The following BRWD3 variants were observed in gnomAD, a reference collection of about 807,000 sequenced individuals.
BRWD3 encodes bromodomain and WD repeat domain containing 3, also known as bromodomain and WD repeat-containing protein 3.
BRWD3 carries 10 observed loss-of-function variants against 149.7 expected under a neutral mutation model. That is an observed-to-expected ratio of 0.07 (90% CI 0.04 to 0.11). The LOEUF is 0.11. BRWD3 is among the 10% of genes least tolerant of loss of function. BRWD3 has a pLI of 1.00. For missense variants in BRWD3, 940 were observed against 1,373.2 expected (o/e 0.68, Z 4.99); for synonymous variants, 504 against 456.7 (o/e 1.10, Z -1.32).
At position 80,682,009 on chromosome X, in the gene BRWD3, A is replaced by C. The variant is rs746189305; in HGVS notation, c.4483T>G (p.Phe1495Val). The C allele has an allele frequency of 4.2e-6, 5 of 1,204,455 alleles. No individual in the cohort carries two copies. In the East Asian group the frequency reaches 1.5e-4, roughly 36 times the overall value. The change falls in exon 39 of 41, where the codon TTC (phenylalanine) becomes GTC (valine). Residue 1495 changes from phenylalanine (F) to valine (V), a missense_variant. Transcript: ENST00000373275. ...SVSHARTSSP[F>V]SSPVSDAAEG... ...AAGACATATTTACCAGGAGATGAGA[A>C]AGGAGAGCTAGTCCTGGCATGAGAT...
intron 27 of BRWD3, among the ~76,000 whole-genome samples, chrX:80,694,394 G>A (rs915151023): frequency 2.1e-4 from 24 of 111,850 alleles, no homozygotes; most frequent in African/African-American, 7.5e-4. Flanking sequence ...CCCATACAGA[G>A]CCCCCACTGG....
chrX:80,695,545 G>T (rs1266320843), intron 27 of BRWD3, among the ~76,000 whole-genome samples: 1 of 111,339 alleles, frequency 9.0e-6, no homozygotes, highest in South Asian at 3.7e-4. Flanking sequence ...AGGGTGGGAA[G>T]GTGACAGGGA....
intron 6 of BRWD3, among the ~76,000 whole-genome samples, chrX:80,767,375 T>G (rs1446493644): frequency 9.0e-6 from 1 of 111,482 alleles, no homozygotes; most frequent in Non-Finnish European, 1.9e-5. Context: ...AGCAATATTT[T>G]GCTGTTCTGC....
At chrX:80,716,020 G>A in intron 20 of BRWD3, 137 bp downstream of exon 20, 1 of 455,408 alleles carries the variant, frequency 2.2e-6, no homozygotes, top group Non-Finnish European at 3.8e-6. Flanking sequence ...CTCAATTTGT[G>A]GCTCAAAAAG....
chrX:80,682,128 T>TG lies in BRWD3; in HGVS notation c.4398-35_4398-34insC, dbSNP rs1455447913. The TG allele has an allele frequency of 5.4e-6, 6 of 1,104,500 alleles. No individual in the cohort carries two copies. The East Asian group carries it at 1.8e-4, about 33-fold the overall frequency. 91.0% of individuals were successfully genotyped at this position (1,104,500 alleles called of 1,213,427 possible). On this transcript the variant is annotated intron_variant, in intron 38 of 40. Coordinates refer to ENST00000373275, the MANE Select transcript of BRWD3 (RefSeq NM_153252.5). ...AAAAATATGTAACAACGAGCATTTT[T>TG]TTTTTTCTGTTAGCAACATATTATG...
At chrX:80,741,782 T>A (rs1414217320) in intron 8 of BRWD3, among the ~76,000 whole-genome samples, 1 of 112,027 alleles carries the variant, frequency 8.9e-6, no homozygotes, top group Admixed American at 9.5e-5. Context: ...GTAAATTTGT[T>A]TGAGTTCATT....
intron 31 of BRWD3, among the ~76,000 whole-genome samples, chrX:80,690,324 T>C (rs2072593958): frequency 9.1e-6 from 1 of 110,045 alleles, no homozygotes; most frequent in South Asian, 3.8e-4. Context: ...AAACTTCAAA[T>C]AGAACTGACC....
chrX:80,710,277 A>G, intron 20 of BRWD3: 1 of 359,195 alleles, frequency 2.8e-6, no homozygotes, highest in Non-Finnish European at 5.2e-6. Context: ...ATATCAACAC[A>G]ACAATATGGC....
chrX:80,742,439 TA>T (rs1422517093), intron 8 of BRWD3, among the ~76,000 whole-genome samples: 6 of 102,423 alleles, frequency 5.9e-5, no homozygotes, highest in African/African-American at 2.3e-4. Flanking sequence ...TGAAGAAAGT[TA>T]TTGGTAGCTT....
In BRWD3 at chrX:80,717,519, C is replaced by T. The variant is rs1163779372; in HGVS notation, c.2231+54G>A. ...GGCTAACATAGTACATTTCAATTCA[C>T]TTCCTAAGAATAAAGCTTTAAATTT... On this transcript the variant is annotated intron_variant, in intron 19 of 40. Coordinates refer to ENST00000373275, the MANE Select transcript of BRWD3 (RefSeq NM_153252.5). 5 of 1,104,742 alleles carry T rather than the reference C, an allele frequency of 4.5e-6. No individual in the cohort carries two copies. In the African/African-American group the frequency reaches 5.4e-5, roughly 12 times the overall value. The allele number at this position is 1,104,742 out of a possible 1,213,427, so 91.0% of individuals were successfully genotyped here. A position where few individuals can be genotyped will look rare whatever the true frequency, so the allele number is the denominator to read the frequency against.
chrX:80,771,228 T>G (rs764848154), intron 6 of BRWD3, among the ~76,000 whole-genome samples: 1 of 111,605 alleles, frequency 9.0e-6, no homozygotes, highest in African/African-American at 3.3e-5. Flanking sequence ...AATAACTTTC[T>G]TCACAGAATT....
chrX:80,805,112 A>G (rs1471707917), intron 4 of BRWD3, among the ~76,000 whole-genome samples: 2 of 111,774 alleles, frequency 1.8e-5, no homozygotes, highest in Non-Finnish European at 3.8e-5. Context: ...TGTGTTCAAA[A>G]TTACAAGTAA....
At chrX:80,712,590 G>T (rs6622360) in intron 20 of BRWD3, among the ~76,000 whole-genome samples, 7,391 of 109,723 alleles carry the variant, frequency 0.067, 615 homozygotes, top group African/African-American at 0.21. Context: ...GAAGTGAGGA[G>T]CGTCTCTGCC....
chrX:80,676,523 A>T lies in BRWD3; in HGVS notation c.*86T>A. 1 of 1,111,338 alleles carries T rather than the reference A, an allele frequency of 9.0e-7. No homozygotes were observed. Among genetic ancestry groups the T allele is most frequent in the East Asian group, 3.1e-5 (1 of 31,942 alleles). 91.6% of individuals were successfully genotyped at this position (1,111,338 alleles called of 1,213,427 possible). On this transcript the variant is annotated 3_prime_UTR_variant, in exon 41 of 41. Transcript: ENST00000373275. ...AATGTGAAAGGAAGCAGAAGTCCCC[A>T]CACAACTTGCTTTGTAGATTTCCTG...
rs750891756 is a variant in BRWD3 at position 80,734,957 on chromosome X, C to T, written c.985+170G>A. On this transcript the variant is annotated intron_variant, in intron 10 of 40. Coordinates refer to ENST00000373275, the MANE Select transcript of BRWD3 (RefSeq NM_153252.5). ...TATGAATAAGGAAAAAAAAATCAAC[C>T]TTACACATTACTTAGAGTCCAAAAG... Among the ~76,000 whole-genome samples, 9 of 111,313 alleles carry T rather than the reference C, an allele frequency of 8.1e-5. No homozygotes were observed. The South Asian group carries it at 3.4e-3, about 42-fold the overall frequency.
At chrX:80,694,257 C>T (rs1423738955) in intron 27 of BRWD3, among the ~76,000 whole-genome samples, 1 of 111,818 alleles carries the variant, frequency 8.9e-6, no homozygotes, top group Non-Finnish European at 1.9e-5. Flanking sequence ...GTTTGGGAAC[C>T]TCTACCTAGA....
At chrX:80,803,624 A>C (rs1447292303) in intron 4 of BRWD3, among the ~76,000 whole-genome samples, 3 of 112,052 alleles carry the variant, frequency 2.7e-5, no homozygotes, top group Non-Finnish European at 5.6e-5. Context: ...CTCTGTCATA[A>C]TACCTATCAG....
At chrX:80,689,914 A>C in intron 32 of BRWD3, 53 bp downstream of exon 32, 3 of 1,175,442 alleles carry the variant, frequency 2.6e-6, no homozygotes. Flanking sequence ...TTTTAAAATT[A>C]ATTTTTTAAA....
At chrX:80,787,268 C>A (rs761941331) in intron 6 of BRWD3, among the ~76,000 whole-genome samples, 1 of 111,363 alleles carries the variant, frequency 9.0e-6, no homozygotes, top group South Asian at 3.7e-4. Context: ...AGGCTCAATG[C>A]TGTCAAGATA....
Sources: allele counts gnomAD v4.1 joint callset (sites outside exome capture counted in the v4.1 genomes callset), GRCh38; gene constraint gnomAD v4.1.1; transcripts MANE v1.5; gene names NCBI Gene and HGNC (gene_info 2026-07-23, HGNC 2026-07-21).